EFNA2: variants seen among roughly 807,000 people sequenced by gnomAD.
EFNA2 encodes ephrin A2, also known as ephrin-A2.
EFNA2 carries 18 observed loss-of-function variants against 19.7 expected under a neutral mutation model. That is an observed-to-expected ratio of 0.91 (90% CI 0.63 to 1.35). The LOEUF (loss-of-function observed/expected upper bound fraction) is 1.35. EFNA2 is among the 40% of genes most tolerant of loss of function. EFNA2 has a pLI of 0.00. For missense variants in EFNA2, 303 were observed against 296.0 expected (o/e 1.02, Z -0.17); for synonymous variants, 187 against 137.8 (o/e 1.36, Z -2.50).
rs1233995069 is a variant in EFNA2 at position 1,296,886 on chromosome 19, G to C, written c.454+1028G>C. Reference sequence around the variant, plus strand: ...GGCCAGGCTGGGTGGGCCAGGCTGAGGGAGGCTGCCAGTCCCTGCTGCTTA... The same window carrying C: ...GGCCAGGCTGGGTGGGCCAGGCTGACGGAGGCTGCCAGTCCCTGCTGCTTA... On this transcript the variant is annotated intron_variant, in intron 2 of 3. Transcript: ENST00000215368. This position sits in a 1 kb window ranked among gnomAD's most constrained non-coding sequence, Gnocchi z 4.4. Among the ~76,000 whole-genome samples, 2 of 152,256 alleles carry C rather than the reference G, an allele frequency of 1.3e-5. No homozygotes were observed. Among genetic ancestry groups the C allele is most frequent in the African/African-American group, 2.4e-5 (1 of 41,466 alleles).
rs1000797274 is a variant in EFNA2 at position 1,287,020 on chromosome 19, G to A, written c.140+712G>A. Among the ~76,000 whole-genome samples, 5 of 152,302 alleles carry A rather than the reference G, an allele frequency of 3.3e-5. No individual in the cohort carries two copies. Among genetic ancestry groups the A allele is most frequent in the Admixed American group, 2.0e-4 (3 of 15,304 alleles). On this transcript the variant is annotated intron_variant, in intron 1 of 3. Coordinates refer to ENST00000215368, the MANE Select transcript of EFNA2 (RefSeq NM_001405.4). The surrounding 1 kb of genome is among the most constrained non-coding windows in gnomAD (Gnocchi z 6.2). ...AAGGTCATGCAAGGGGGGGACTTGG[G>A]GGCAGGACCCAGGTGGCCCAGTGCC...
intron 1 of EFNA2, among the ~76,000 whole-genome samples, chr19:1,293,757 G>A (rs1050124523): frequency 5.9e-5 from 9 of 152,332 alleles, no homozygotes; most frequent in Non-Finnish European, 8.8e-5. Flanking sequence ...CACCGCCTCC[G>A]CCGCCCTGCC....
In EFNA2 at chr19:1,286,354, C is replaced by T; in HGVS notation, c.140+46C>T. 3.1e-6 allele frequency: 3 copies of T among 969,528 alleles called. No individual in the cohort carries two copies. The highest frequency in any genetic ancestry group is 4.6e-5 in the South Asian group (1 of 21,640). 60.1% of individuals were successfully genotyped at this position (969,528 alleles called of 1,614,324 possible). A position where few individuals can be genotyped will look rare whatever the true frequency, so the allele number is the denominator to read the frequency against. ...GGGGCGCCCGGGGACCCCCCAACGC[C>T]CCCCAAGCCGCGCCCGGCCTCGCGC... On this transcript the variant is annotated intron_variant, in intron 1 of 3. Coordinates refer to ENST00000215368, the MANE Select transcript of EFNA2 (RefSeq NM_001405.4). This position sits in a 1 kb window ranked among gnomAD's most constrained non-coding sequence, Gnocchi z 5.6.
intron 2 of EFNA2, among the ~76,000 whole-genome samples, chr19:1,298,153 G>A (rs573796448): frequency 3.8e-4 from 58 of 151,570 alleles, no homozygotes; most frequent in African/African-American, 1.2e-3. Flanking sequence ...GAGAGGGAGC[G>A]GCTTGTCCAC....
chr19:1,287,495 C>T lies in EFNA2; in HGVS notation c.140+1187C>T, dbSNP rs2081470989. Among the ~76,000 whole-genome samples, 1 of 152,132 alleles carries T rather than the reference C, an allele frequency of 6.6e-6. No homozygotes were observed. The highest frequency in any genetic ancestry group is 2.1e-4 in the South Asian group (1 of 4,822). ...CCCTCCTTGTCCCCTCTGTCTCCTG[C>T]TGTCCTCGGTCCCCGGGAGGAAAGT... is the stretch of plus-strand genomic sequence containing the variant. On this transcript the variant is annotated intron_variant, in intron 1 of 3. Coordinates refer to ENST00000215368, the MANE Select transcript of EFNA2 (RefSeq NM_001405.4). The surrounding 1 kb of genome is among the most constrained non-coding windows in gnomAD (Gnocchi z 6.2).
At chr19:1,285,804 C>G (rs1200852156), upstream of EFNA2, among the ~76,000 whole-genome samples, 1 of 148,738 alleles carries the variant, frequency 6.7e-6, no homozygotes, top group Non-Finnish European at 1.5e-5. The surrounding 1 kb of genome is among the most constrained non-coding windows in gnomAD (Gnocchi z 4.1). Flanking sequence ...CCGCCCAGTC[C>G]CCGCGCGGCC....
rs1258379437 is a variant in EFNA2, at chr19:1,296,495, T to G, written c.454+637T>G. On this transcript the variant is annotated intron_variant, in intron 2 of 3. Coordinates refer to ENST00000215368, the MANE Select transcript of EFNA2 (RefSeq NM_001405.4). The surrounding 1 kb of genome is among the most constrained non-coding windows in gnomAD (Gnocchi z 4.4). The stretch of plus-strand genomic sequence containing the variant: ...GTGGACAACGTAGGGAGACCTTCTC[T>G]CTACAAAAACATAAAAACAATTAGC... 6.6e-6 allele frequency among the ~76,000 whole-genome samples: 1 copy of G among 152,100 alleles called. No homozygotes were observed. Among genetic ancestry groups the G allele is most frequent in the Non-Finnish European group, 1.5e-5 (1 of 67,994 alleles).
intron 1 of EFNA2, among the ~76,000 whole-genome samples, chr19:1,288,910 G>A (rs1482617037): frequency 6.6e-6 from 1 of 152,222 alleles, no homozygotes. Context: ...GTTCCCAGCC[G>A]ACCCGCATCG....
Position 1,300,878 on chromosome 19 carries a change from G to T in EFNA2, c.*933G>T, listed in dbSNP as rs1437885101. On this transcript the variant is annotated 3_prime_UTR_variant, in exon 4 of 4. Transcript: ENST00000215368. ...CTGTTCCTGTAAATACAGCCAGCAA[G>T]TGCAAACTGTGATTTTATTTTCCAC... Among the ~76,000 whole-genome samples the T allele has an allele frequency of 6.6e-6, 1 of 152,076 alleles. No homozygotes were observed. Among genetic ancestry groups the T allele is most frequent in the African/African-American group, 2.4e-5 (1 of 41,382 alleles).
At position 1,299,965 on chromosome 19, in the gene EFNA2, C is replaced by G. The variant is rs751256050; in HGVS notation, c.*20C>G. ...TCCTAGTCCCAGCCCCGCAGGACGCCGACCCTGCCTGGACGGCCCCGCCTG... is the reference window on the plus strand; with the variant it reads ...TCCTAGTCCCAGCCCCGCAGGACGCGGACCCTGCCTGGACGGCCCCGCCTG... On this transcript the variant is annotated 3_prime_UTR_variant, in exon 4 of 4. Coordinates refer to ENST00000215368, the MANE Select transcript of EFNA2 (RefSeq NM_001405.4). 3.7e-5 allele frequency: 59 copies of G among 1,584,310 alleles called. No homozygotes were observed. The highest frequency in any genetic ancestry group is 5.0e-5 in the Non-Finnish European group (58 of 1,171,088).
In EFNA2 at chr19:1,300,925, ACCG is replaced by A. The variant is rs2081539839; in HGVS notation, c.*981_*983del. ...CCACGTATTCCTGAGGACGGACTGG[ACCG>A]TCTATGTTTTTTCAGCCCTTCATAG... On this transcript the variant is annotated 3_prime_UTR_variant, in exon 4 of 4. Transcript: ENST00000215368. Among the ~76,000 whole-genome samples the A allele has an allele frequency of 6.6e-6, 1 of 150,930 alleles. No homozygotes were observed. The highest frequency in any genetic ancestry group is 1.5e-5 in the Non-Finnish European group (1 of 67,820).
chr19:1,286,119 G>A lies in EFNA2; in HGVS notation c.-50G>A. ...CGGCGGCGGCGGAGGAGGCGGAGAA[G>A]GCTGGCAGGCGGCGGCCGGGAGAGC... On this transcript the variant is annotated 5_prime_UTR_variant, in exon 1 of 4. Coordinates refer to ENST00000215368, the MANE Select transcript of EFNA2 (RefSeq NM_001405.4). The surrounding 1 kb of genome is among the most constrained non-coding windows in gnomAD (Gnocchi z 5.6). 1 of 699,892 alleles carries A rather than the reference G, an allele frequency of 1.4e-6. No homozygotes were observed. The highest frequency in any genetic ancestry group is 1.8e-6 in the Non-Finnish European group (1 of 571,210). 43.4% of individuals were successfully genotyped at this position (699,892 alleles called of 1,614,324 possible).
upstream of EFNA2, among the ~76,000 whole-genome samples, chr19:1,284,583 G>T (rs1227019555): frequency 6.6e-6 from 1 of 152,208 alleles, no homozygotes; most frequent in South Asian, 2.1e-4. The surrounding 1 kb of genome is among the most constrained non-coding windows in gnomAD (Gnocchi z 5.3). Flanking sequence ...CGCGTGGCCC[G>T]CTGGGGAATC....
Position 1,295,941 on chromosome 19 carries a change from G to C in EFNA2, c.454+83G>C. 1.5e-6 allele frequency: 2 copies of C among 1,337,900 alleles called. No homozygotes were observed. The allele number at this position is 1,337,900 out of a possible 1,614,324, so 82.9% of individuals were successfully genotyped here. On this transcript the variant is annotated intron_variant, in intron 2 of 3. Coordinates refer to ENST00000215368, the MANE Select transcript of EFNA2 (RefSeq NM_001405.4). The surrounding 1 kb of genome is among the most constrained non-coding windows in gnomAD (Gnocchi z 5.8). Reference sequence around the variant, plus strand: ...GGCCAGGAAGTGGGCGGGACCACTGGGGTGGGGCCGGGGAGTGGGCGGGGC... The same window carrying C: ...GGCCAGGAAGTGGGCGGGACCACTGCGGTGGGGCCGGGGAGTGGGCGGGGC...
At chr19:1,293,985 T>A (rs1262274394) in intron 1 of EFNA2, among the ~76,000 whole-genome samples, 1 of 152,150 alleles carries the variant, frequency 6.6e-6, no homozygotes, top group Non-Finnish European at 1.5e-5. Flanking sequence ...GTGCCCCCAG[T>A]GTGGGGCCTG....
In EFNA2 at chr19:1,295,937, A is replaced by G. The variant is rs1345793296; in HGVS notation, c.454+79A>G. ...GCGGGGCCAGGAAGTGGGCGGGACCACTGGGGTGGGGCCGGGGAGTGGGCG... is the reference window on the plus strand; with the variant it reads ...GCGGGGCCAGGAAGTGGGCGGGACCGCTGGGGTGGGGCCGGGGAGTGGGCG... On this transcript the variant is annotated intron_variant, in intron 2 of 3. Transcript: ENST00000215368. This position sits in a 1 kb window ranked among gnomAD's most constrained non-coding sequence, Gnocchi z 5.8. 3 of 828,304 alleles carry G rather than the reference A, an allele frequency of 3.6e-6. No homozygotes were observed. Among genetic ancestry groups the G allele is most frequent in the Non-Finnish European group, 4.9e-6 (3 of 611,962 alleles). 51.3% of individuals were successfully genotyped at this position (828,304 alleles called of 1,614,324 possible). A position where few individuals can be genotyped will look rare whatever the true frequency, so the allele number is the denominator to read the frequency against.
chr19:1,288,339 G>A (rs2081475639), intron 1 of EFNA2, among the ~76,000 whole-genome samples: 1 of 152,220 alleles, frequency 6.6e-6, no homozygotes, highest in Admixed American at 6.5e-5. Flanking sequence ...CACAGCAGGG[G>A]GTGGTGCTGG....
In EFNA2 at chr19:1,300,293, T is replaced by C. The variant is rs1338743779; in HGVS notation, c.*348T>C. On this transcript the variant is annotated 3_prime_UTR_variant, in exon 4 of 4. Transcript: ENST00000215368. Reference sequence around the variant, plus strand: ...TTTTTTTTTAGTGTATTTTTCGTGGTTGGATCAAAAAGACTTGAGTTTTTA... The same window carrying C: ...TTTTTTTTTAGTGTATTTTTCGTGGCTGGATCAAAAAGACTTGAGTTTTTA... 1 of 164,444 alleles carries C rather than the reference T, an allele frequency of 6.1e-6. No homozygotes were observed. Among genetic ancestry groups the C allele is most frequent in the African/African-American group, 2.7e-5 (1 of 37,370 alleles). The allele number at this position is 164,444 out of a possible 1,614,324, so 10.2% of individuals were successfully genotyped here. A position where few individuals can be genotyped will look rare whatever the true frequency, so the allele number is the denominator to read the frequency against.
chr19:1,298,502 C>A, intron 2 of EFNA2, 49 bp from the exon 3 acceptor site: 1 of 1,598,098 alleles, frequency 6.3e-7, no homozygotes, highest in South Asian at 1.1e-5. Context: ...CAGGAGGTCT[C>A]AGGCACCAAG....
Sources: gnomAD v4.1 joint callset for allele counts (sites outside exome capture counted in the v4.1 genomes callset) on GRCh38, gnomAD v4.1.1 for gene constraint, Gnocchi (gnomAD v3.1) non-coding constraint, MANE v1.5 for transcripts, NCBI Gene and HGNC (gene_info 2026-07-23, HGNC 2026-07-21) for gene names.